Variants in PADI2 observed in about 807,000 individuals in gnomAD.
The protein encoded by PADI2 is peptidyl arginine deiminase 2, also known as protein-arginine deiminase type-2.
In PADI2, 70 loss-of-function variants were observed where a neutral mutation model predicts 81.1. The ratio of observed to expected loss-of-function variants is 0.86; its 90% CI spans 0.71 to 1.05. The LOEUF is 1.05. Ranked by LOEUF, PADI2 falls within the 50% of genes least tolerant of loss-of-function variation. PADI2 has a pLI of 0.00. For missense variants in PADI2, 853 were observed against 889.9 expected (o/e 0.96, Z 0.53); for synonymous variants, 338 against 358.0 (o/e 0.94, Z 0.63).
chr1:17,116,722 C>A (rs1360027023), intron 1 of PADI2, among the ~76,000 whole-genome samples: 2 of 152,152 alleles, frequency 1.3e-5, no homozygotes, highest in African/African-American at 4.8e-5. Flanking sequence ...TCTCTCTGAG[C>A]CTTACCTTCC....
In PADI2 at chr1:17,095,940, T is replaced by C; in HGVS notation, c.380A>G (p.Asp127Gly). ...TGGGTTGTTCTTCTCCACCACACCA[T>C]CCCGGTCTGCGTCCACATCCAGGGA... is the stretch of plus-strand genomic sequence containing the variant. ...EISLDVDADR[D>G]GVVEKNNPKK... Residue 127 changes from aspartate to glycine, a missense_variant, in exon 4 of 16, where the codon GAT becomes GGT. Physicochemically the swap from Asp to Gly is moderately conservative, Grantham distance 94 (BLOSUM62 -1). Coordinates refer to ENST00000375486, the MANE Select transcript of PADI2 (RefSeq NM_007365.3). The C allele has an allele frequency of 6.2e-7, 1 of 1,608,094 alleles. No individual in the cohort carries two copies. The highest frequency in any genetic ancestry group is 8.5e-7 in the Non-Finnish European group (1 of 1,177,284).
Position 17,119,263 on chromosome 1 carries a change from A to G in PADI2, c.92+17T>C. 5 of 1,499,494 alleles carry G rather than the reference A, an allele frequency of 3.3e-6. No individual in the cohort carries two copies. Among genetic ancestry groups the G allele is most frequent in the Non-Finnish European group, 3.6e-6 (4 of 1,116,842 alleles). The allele number at this position is 1,499,494 out of a possible 1,614,324, so 92.9% of individuals were successfully genotyped here. ...GGCTCGAGATCTCGGCCCGGGCATC[A>G]CGGTGGGCCGGCTCACCTGTAGACA... On this transcript the variant is annotated intron_variant, in intron 1 of 15. Coordinates refer to ENST00000375486, the MANE Select transcript of PADI2 (RefSeq NM_007365.3). This position sits in a 1 kb window ranked among gnomAD's most constrained non-coding sequence, Gnocchi z 4.8.
At chr1:17,116,121 T>C (rs1931751445) in intron 1 of PADI2, among the ~76,000 whole-genome samples, 1 of 152,204 alleles carries the variant, frequency 6.6e-6, no homozygotes, top group South Asian at 2.1e-4. Context: ...TCGACCCCCA[T>C]TTGGGTCAGT....
At chr1:17,069,677 G>GTA (rs1424478145) in intron 15 of PADI2, among the ~76,000 whole-genome samples, 1 of 152,130 alleles carries the variant, frequency 6.6e-6, no homozygotes, top group Admixed American at 6.5e-5. Flanking sequence ...GCATGTGTGT[G>GTA]TATATATGTG....
At chr1:17,093,879 G>C (rs1230603907) in intron 4 of PADI2, among the ~76,000 whole-genome samples, 195 bp from the exon 5 acceptor site, 1 of 152,196 alleles carries the variant, frequency 6.6e-6, no homozygotes, top group African/African-American at 2.4e-5. Flanking sequence ...AAGTTCAATA[G>C]AGGCACAGAG....
In PADI2 at chr1:17,079,252, G is replaced by A. The variant is rs183111151; in HGVS notation, c.1310+12C>T. On this transcript the variant is annotated intron_variant, in intron 11 of 15. Transcript: ENST00000375486. The stretch of plus-strand genomic sequence containing the variant: ...CTCCCACAGCCCCTAGCCCCAGCCT[G>A]GCTTCTCTTACAGAGGAAAGCTGCT... 1.9e-6 allele frequency: 3 copies of A among 1,610,472 alleles called. No individual in the cohort carries two copies. The highest frequency in any genetic ancestry group is 3.3e-5 in the Admixed American group (2 of 59,782).
intron 3 of PADI2, among the ~76,000 whole-genome samples, chr1:17,098,152 T>C (rs1328605252): frequency 1.3e-5 from 2 of 152,120 alleles, no homozygotes; most frequent in African/African-American, 2.4e-5. Context: ...TCCGGCTGCC[T>C]GCTCTCTGCT....
At chr1:17,077,985 T>G (rs370807237) in intron 11 of PADI2, among the ~76,000 whole-genome samples, 1 of 152,248 alleles carries the variant, frequency 6.6e-6, no homozygotes, top group Non-Finnish European at 1.5e-5. Flanking sequence ...GGACCACGTC[T>G]GCTCATACCT....
chr1:17,103,926 G>A (rs1201172851), intron 2 of PADI2, among the ~76,000 whole-genome samples: 1 of 151,896 alleles, frequency 6.6e-6, no homozygotes, highest in Non-Finnish European at 1.5e-5. Flanking sequence ...TGAGGTTGCA[G>A]TGAGCTATGA....
chr1:17,109,683 G>A (rs968973630), intron 1 of PADI2, among the ~76,000 whole-genome samples: 3 of 152,022 alleles, frequency 2.0e-5, no homozygotes, highest in East Asian at 3.9e-4. Context: ...TAGAGATGGG[G>A]TTGCACTGTG....
chr1:17,119,358 C>A lies in PADI2; in HGVS notation c.14G>T (p.Arg5Leu). ...GCTCCCGTACTGCAGCCGCACGGTC[C>A]GCTCGCGCAGCATCCTCCCCGCCGC... Reference protein sequence around the residue: MLRERTVRLQYGSRV... With the variant: MLRELTVRLQYGSRV... The change falls in exon 1 of 16, where the codon CGG becomes CTG. Residue 5 changes from arginine to leucine, a missense_variant. Physicochemically the swap from Arg to Leu is moderately radical, Grantham distance 102 (BLOSUM62 -2). Coordinates refer to ENST00000375486, the MANE Select transcript of PADI2 (RefSeq NM_007365.3). This position sits in a 1 kb window ranked among gnomAD's most constrained non-coding sequence, Gnocchi z 4.8. 6.5e-7 allele frequency: 1 copy of A among 1,537,564 alleles called. No individual in the cohort carries two copies. Among genetic ancestry groups the A allele is most frequent in the Non-Finnish European group, 8.8e-7 (1 of 1,142,178 alleles).
At chr1:17,099,140 G>C (rs1316143890) in intron 3 of PADI2, among the ~76,000 whole-genome samples, 1 of 152,198 alleles carries the variant, frequency 6.6e-6, no homozygotes, top group Admixed American at 6.5e-5. Context: ...AGCTCTGACC[G>C]AGAGGCACAA....
At chr1:17,105,168 GA>G in intron 1 of PADI2, 107 bp from the exon 2 acceptor site, 2 of 726,868 alleles carry the variant, frequency 2.8e-6, no homozygotes, top group Non-Finnish European at 4.2e-6. Flanking sequence ...CAAAGCCCGA[GA>G]ATCACTTGAG....
At chr1:17,086,473 C>T (rs1183140958) in intron 7 of PADI2, 48 bp downstream of exon 7, 3 of 1,520,416 alleles carry the variant, frequency 2.0e-6, no homozygotes, top group Non-Finnish European at 2.7e-6. Flanking sequence ...GGAGACCCAC[C>T]CTGGCCCCTG....
At chr1:17,110,166 C>A (rs114065513) in intron 1 of PADI2, among the ~76,000 whole-genome samples, 1 of 152,162 alleles carries the variant, frequency 6.6e-6, no homozygotes, top group Non-Finnish European at 1.5e-5. Flanking sequence ...GAATCTCTCT[C>A]GCAGAAACCC....
intron 1 of PADI2, among the ~76,000 whole-genome samples, chr1:17,117,446 G>A (rs996150979): frequency 3.3e-5 from 5 of 152,104 alleles, no homozygotes; most frequent in African/African-American, 9.7e-5. Context: ...GGTTCAAACT[G>A]GACTTTTCTG....
chr1:17,080,853 T>C (rs1015646842), intron 10 of PADI2, among the ~76,000 whole-genome samples: 1 of 152,208 alleles, frequency 6.6e-6, no homozygotes, highest in African/African-American at 2.4e-5. Context: ...AGTCGGAGGA[T>C]GTGGCTTATC....
intron 13 of PADI2, among the ~76,000 whole-genome samples, chr1:17,073,477 G>T (rs1257719802): frequency 6.6e-6 from 1 of 151,728 alleles, no homozygotes; most frequent in East Asian, 1.9e-4. Context: ...CAGCATTGTA[G>T]ATGTATTTAA....
Position 17,117,078 on chromosome 1 carries a change from C to T in PADI2, c.92+2202G>A, listed in dbSNP as rs944423047. Among the ~76,000 whole-genome samples, 5 of 152,240 alleles carry T rather than the reference C, an allele frequency of 3.3e-5. No homozygotes were observed. The South Asian group carries it at 1.0e-3, about 32-fold the overall frequency. On this transcript the variant is annotated intron_variant, in intron 1 of 15. Transcript: ENST00000375486. ...AGGTCAGGGATGCCACTAAACATCC[C>T]GCTACAACAAAGAAATATCGAGCCC...
Sources: gnomAD v4.1 joint callset for allele counts (sites outside exome capture counted in the v4.1 genomes callset) on GRCh38, gnomAD v4.1.1 for gene constraint, Gnocchi (gnomAD v3.1) non-coding constraint, MANE v1.5 for transcripts, NCBI Gene and HGNC (gene_info 2026-07-23, HGNC 2026-07-21) for gene names.